The following DOCK4 variants were observed in gnomAD, a reference collection of about 807,000 sequenced individuals.
DOCK4 encodes the protein dedicator of cytokinesis 4.
A neutral mutation model predicts 268.1 loss-of-function variants in DOCK4; 97 were observed. That is an observed-to-expected ratio of 0.36 (90% CI 0.31 to 0.43). The LOEUF is 0.43. Among genes scored for constraint, DOCK4 ranks in the 20% least tolerant of loss-of-function variants. DOCK4 has a pLI of 1.00. For missense variants in DOCK4, 2,145 were observed against 2,455.7 expected (o/e 0.87, Z 2.67); for synonymous variants, 954 against 887.2 (o/e 1.08, Z -1.34).
intron 35 of DOCK4, among the ~76,000 whole-genome samples, chr7:111,781,718 T>C (rs1447831625): frequency 3.9e-5 from 6 of 151,950 alleles, no homozygotes; most frequent in African/African-American, 1.5e-4. Context: ...CAGCAAGACA[T>C]GAGGAAAATA....
chr7:112,067,403 C>T (rs148136898), intron 1 of DOCK4, among the ~76,000 whole-genome samples: 1 of 152,000 alleles, frequency 6.6e-6, no homozygotes. Context: ...CAATTAAAAG[C>T]AATCTGAGAT....
intron 27 of DOCK4, among the ~76,000 whole-genome samples, chr7:111,815,589 G>T (rs1801477148): frequency 6.7e-6 from 1 of 150,354 alleles, no homozygotes; most frequent in African/African-American, 2.5e-5. Context: ...CCAAATTACT[G>T]ATTTATTTAT....
chr7:111,925,348 G>A (rs185861697), intron 12 of DOCK4, among the ~76,000 whole-genome samples: 1 of 152,256 alleles, frequency 6.6e-6, no homozygotes, highest in Admixed American at 6.5e-5. Flanking sequence ...ATTAAAATGA[G>A]GTATTTACAC....
Position 111,756,665 on chromosome 7 carries a change from G to A in DOCK4, c.4330-1064C>T, listed in dbSNP as rs530623776. Among the ~76,000 whole-genome samples the A allele has an allele frequency of 7.2e-5, 11 of 151,876 alleles. No individual in the cohort carries two copies. In the South Asian group the frequency reaches 1.9e-3, roughly 26 times the overall value. Reference sequence around the variant, plus strand: ...TTGTCAACCAGGTTTTAGTATCTACGCCTCATCTTTCTTACTTAAACCAAG... The same window carrying A: ...TTGTCAACCAGGTTTTAGTATCTACACCTCATCTTTCTTACTTAAACCAAG... On this transcript the variant is annotated intron_variant, in intron 41 of 52. Coordinates refer to ENST00000428084, the MANE Select transcript of DOCK4 (RefSeq NM_001363540.2).
chr7:111,985,688 T>C (rs769303804), intron 6 of DOCK4, among the ~76,000 whole-genome samples: 2 of 152,226 alleles, frequency 1.3e-5, no homozygotes, highest in East Asian at 3.9e-4. Flanking sequence ...TCCTAAATGA[T>C]GTTTCTCTTT....
intron 13 of DOCK4, among the ~76,000 whole-genome samples, chr7:111,913,566 C>T (rs968979064): frequency 5.3e-5 from 8 of 151,412 alleles, no homozygotes; most frequent in South Asian, 4.2e-4. Flanking sequence ...CCCGCCACCA[C>T]GCCCGGCTAA....
intron 17 of DOCK4, 76 bp downstream of exon 17, chr7:111,876,954 T>A (rs1806942340): frequency 2.5e-6 from 3 of 1,221,122 alleles, no homozygotes; most frequent in Non-Finnish European, 3.2e-6. Context: ...ATCACTTTGG[T>A]GTTTACTGAA....
intron 12 of DOCK4, among the ~76,000 whole-genome samples, chr7:111,924,645 C>T (rs773752696): frequency 9.2e-5 from 14 of 152,148 alleles, no homozygotes; most frequent in Non-Finnish European, 1.9e-4. Context: ...CAATTTGTGA[C>T]CAGGCACAGT....
intron 8 of DOCK4, among the ~76,000 whole-genome samples, chr7:111,950,271 T>G (rs1325379345): frequency 6.6e-6 from 1 of 152,208 alleles, no homozygotes; most frequent in African/African-American, 2.4e-5. Context: ...CTCCAAATAT[T>G]TTGTGCAAAC....
intron 8 of DOCK4, among the ~76,000 whole-genome samples, chr7:111,975,884 C>T (rs2135110537): frequency 6.6e-6 from 1 of 151,682 alleles, no homozygotes; most frequent in East Asian, 2.0e-4. Flanking sequence ...AAATAATAGG[C>T]CAGGCGCAGT....
chr7:112,123,980 A>G (rs1812985340), intron 1 of DOCK4, among the ~76,000 whole-genome samples: 1 of 152,174 alleles, frequency 6.6e-6, no homozygotes, highest in Non-Finnish European at 1.5e-5. Context: ...TCAGAAGTGT[A>G]TCATGAGGAT....
At chr7:112,122,281 T>C (rs1011601716) in intron 1 of DOCK4, among the ~76,000 whole-genome samples, 1 of 152,132 alleles carries the variant, frequency 6.6e-6, no homozygotes, top group Non-Finnish European at 1.5e-5. Context: ...CTCCAGAACA[T>C]TTTCATCTTG....
At chr7:111,740,048 C>G (rs1205312663) in intron 47 of DOCK4, 1 of 382,188 alleles carries the variant, frequency 2.6e-6, no homozygotes, top group African/African-American at 2.2e-5. Context: ...TGGAAACTTT[C>G]TGATATGTAC....
intron 13 of DOCK4, among the ~76,000 whole-genome samples, chr7:111,912,733 A>G (rs947515818): frequency 6.6e-6 from 1 of 152,174 alleles, no homozygotes; most frequent in African/African-American, 2.4e-5. Context: ...AGAAATAGAT[A>G]GGTATAGACA....
At chr7:111,827,071 G>A (rs1036826084) in intron 26 of DOCK4, among the ~76,000 whole-genome samples, 2 of 151,948 alleles carry the variant, frequency 1.3e-5, no homozygotes, top group Non-Finnish European at 1.5e-5. Flanking sequence ...CAAGAACAAT[G>A]AATAGGACAG....
intron 32 of DOCK4, among the ~76,000 whole-genome samples, chr7:111,787,354 G>T (rs1799240245): frequency 6.6e-6 from 1 of 152,012 alleles, no homozygotes; most frequent in Non-Finnish European, 1.5e-5. Context: ...CAGAATTCTT[G>T]CTAAACTCCA....
chr7:112,067,231 A>T lies in DOCK4; in HGVS notation c.38-63100T>A, dbSNP rs7809158. 5.7e-3 allele frequency among the ~76,000 whole-genome samples: 848 copies of T among 149,868 alleles called. 12 individuals are homozygous for T. The highest frequency in any genetic ancestry group is 0.02 in the African/African-American group (800 of 40,052). On this transcript the variant is annotated intron_variant, in intron 1 of 52. Coordinates refer to ENST00000428084, the MANE Select transcript of DOCK4 (RefSeq NM_001363540.2). ...TTATATTTATAATCAGAAAAAAAAAACACCTTTACTTAAAAAAAAAAAAAA... is the reference window on the plus strand; with the variant it reads ...TTATATTTATAATCAGAAAAAAAAATCACCTTTACTTAAAAAAAAAAAAAA...
chr7:112,109,411 A>G (rs1475187403), intron 1 of DOCK4, among the ~76,000 whole-genome samples: 1 of 152,186 alleles, frequency 6.6e-6, no homozygotes, highest in Non-Finnish European at 1.5e-5. Context: ...CAGAGAAGAA[A>G]AAAAATGTAT....
At chr7:111,767,382 A>AC in intron 37 of DOCK4, among the ~76,000 whole-genome samples, 1 of 151,848 alleles carries the variant, frequency 6.6e-6, no homozygotes, top group East Asian at 1.9e-4. Flanking sequence ...ACGCACCACC[A>AC]CACCCAGCTA....
Sources: allele counts gnomAD v4.1 joint callset (sites outside exome capture counted in the v4.1 genomes callset), GRCh38; gene constraint gnomAD v4.1.1; transcripts MANE v1.5; gene names NCBI Gene and HGNC (gene_info 2026-07-23, HGNC 2026-07-21).